The following HGS variants were observed in gnomAD, a reference collection of about 807,000 sequenced individuals.
HGS encodes human growth factor-regulated tyrosine kinase substrate.
HGS carries 63 observed loss-of-function variants against 109.7 expected under a neutral mutation model. The ratio of observed to expected loss-of-function variants is 0.57; its 90% CI spans 0.47 to 0.71. HGS has a LOEUF of 0.71. Ranked by LOEUF, HGS falls within the 30% of genes least tolerant of loss-of-function variation. The pLI is 0.00. For missense variants in HGS, 995 were observed against 1,068.3 expected, an observed-to-expected ratio of 0.93 and a Z score of 0.96; for synonymous variants, 546 against 437.3, an observed-to-expected ratio of 1.25 and a Z score of -3.10.
chr17:81,685,075 C>G (rs2036953992), intron 1 of HGS: 1 of 985,288 alleles, frequency 1.0e-6, no homozygotes. Flanking sequence ...GACAGGTATG[C>G]TGGCGAGTCC....
chr17:81,700,179 A>G (rs1476568866), intron 18 of HGS, among the ~76,000 whole-genome samples: 1 of 151,930 alleles, frequency 6.6e-6, no homozygotes, highest in Non-Finnish European at 1.5e-5. Context: ...ATCCTGGCCA[A>G]CATGATGAAA....
rs2037001045 is a variant in HGS at position 81,687,700 on chromosome 17, G to A, written c.291+605G>A. Among the ~76,000 whole-genome samples, 4 of 152,366 alleles carry A rather than the reference G, an allele frequency of 2.6e-5. No individual in the cohort carries two copies. The South Asian group carries it at 8.3e-4, about 32-fold the overall frequency. The stretch of plus-strand genomic sequence containing the variant: ...ACCTGCAGGGACTGTGATGTGGACT[G>A]TGATGCAGTGGGGATGCTGTTGCAG... On this transcript the variant is annotated intron_variant, in intron 4 of 21. Transcript: ENST00000329138.
At position 81,691,037 on chromosome 17, in the gene HGS, T is replaced by C. The variant is rs2037055601; in HGVS notation, c.537+295T>C. On this transcript the variant is annotated intron_variant, in intron 7 of 21. Coordinates refer to ENST00000329138, the MANE Select transcript of HGS (RefSeq NM_004712.5). The surrounding 1 kb of genome is among the most constrained non-coding windows in gnomAD (Gnocchi z 5.3). ...TGCTTGCCAGGGCCGTGGGGCCCCC[T>C]TCTCTTTGTGGCTTAGCCCATCTGG... Among the ~76,000 whole-genome samples, 1 of 152,202 alleles carries C rather than the reference T, an allele frequency of 6.6e-6. No homozygotes were observed. Among genetic ancestry groups the C allele is most frequent in the Admixed American group, 6.5e-5 (1 of 15,286 alleles).
In HGS at chr17:81,691,388, G is replaced by A. The variant is rs1318773052; in HGVS notation, c.538-59G>A. ...GCATCGTACGGGGTGGTTCTGGGCCGGGTGGCGCATCAGGGTCCCCCAGTG... is the reference window on the plus strand; with the variant it reads ...GCATCGTACGGGGTGGTTCTGGGCCAGGTGGCGCATCAGGGTCCCCCAGTG... On this transcript the variant is annotated intron_variant, in intron 7 of 21. Coordinates refer to ENST00000329138, the MANE Select transcript of HGS (RefSeq NM_004712.5). This position sits in a 1 kb window ranked among gnomAD's most constrained non-coding sequence, Gnocchi z 5.3. The A allele has an allele frequency of 1.1e-5, 18 of 1,606,140 alleles. No individual in the cohort carries two copies. Among genetic ancestry groups the A allele is most frequent in the South Asian group, 3.3e-5 (3 of 90,706 alleles).
At position 81,690,422 on chromosome 17, in the gene HGS, T is replaced by G. The variant is rs1051092955; in HGVS notation, c.468+188T>G. 24 of 677,194 alleles carry G rather than the reference T, an allele frequency of 3.5e-5. No homozygotes were observed. In the Admixed American group the frequency reaches 6.7e-4, roughly 19 times the overall value. 41.9% of individuals were successfully genotyped at this position (677,194 alleles called of 1,614,324 possible). On this transcript the variant is annotated intron_variant, in intron 6 of 21. Transcript: ENST00000329138. ...TGCAGGGCGAGGTGGAGACGTGGCT[T>G]GAGGGCCTTTAGAGTGGCTAGGGGG...
At chr17:81,700,418 C>T in intron 18 of HGS, 49 bp from the exon 19 acceptor site, 2 of 1,491,048 alleles carry the variant, frequency 1.3e-6, no homozygotes, top group Non-Finnish European at 1.8e-6. Context: ...CCCTTCCTCT[C>T]CTCCCTGTTG....
chr17:81,695,596 G>T, intron 14 of HGS, 190 bp from the exon 15 acceptor site: 1 of 624,170 alleles, frequency 1.6e-6, no homozygotes, highest in Non-Finnish European at 2.8e-6. Flanking sequence ...TCCTGACCAG[G>T]GCTTGCAGCT....
chr17:81,696,350 C>A lies in HGS; in HGVS notation c.1394-7C>A. 6.4e-7 allele frequency: 1 copy of A among 1,566,662 alleles called. No homozygotes were observed. Among genetic ancestry groups the A allele is most frequent in the South Asian group, 1.2e-5 (1 of 83,484 alleles). ...GTGGTCAGGGTTGCTCTGTCATCTG[C>A]CCACAGTGTACTATGAGGGGCTGCA... On this transcript the variant is annotated splice_region_variant and splice_polypyrimidine_tract_variant and intron_variant, in intron 15 of 21. Coordinates refer to ENST00000329138, the MANE Select transcript of HGS (RefSeq NM_004712.5).
At chr17:81,687,504 C>T (rs563915847) in intron 4 of HGS, among the ~76,000 whole-genome samples, 1 of 152,290 alleles carries the variant, frequency 6.6e-6, no homozygotes, top group African/African-American at 2.4e-5. Context: ...ATCCCACAGG[C>T]AGGGGCCTGG....
chr17:81,697,558 C>T (rs1453241236), intron 18 of HGS: 2 of 152,324 alleles, frequency 1.3e-5, no homozygotes, highest in African/African-American at 2.4e-5. Context: ...CATTGCTGGC[C>T]GTTCGGCTGA....
intron 20 of HGS, 28 bp downstream of exon 20, chr17:81,700,842 G>A (rs371855457): frequency 4.4e-6 from 7 of 1,598,670 alleles, no homozygotes; most frequent in African/African-American, 1.3e-5. Context: ...CCCTGCTGGG[G>A]GCCAGGGTGG....
At chr17:81,686,800 A>C (rs1319502940) in intron 3 of HGS, among the ~76,000 whole-genome samples, 1 of 150,812 alleles carries the variant, frequency 6.6e-6, no homozygotes, top group East Asian at 2.0e-4. Flanking sequence ...GGGCCTGTCG[A>C]AGGGCTCTGC....
At position 81,687,004 on chromosome 17, in the gene HGS, T is replaced by C; in HGVS notation, c.200T>C (p.Val67Ala). 6.2e-7 allele frequency: 1 copy of C among 1,612,628 alleles called. No individual in the cohort carries two copies. Among genetic ancestry groups the C allele is most frequent in the Non-Finnish European group, 8.5e-7 (1 of 1,179,624 alleles). Residue 67 changes from valine to alanine, a missense_variant and splice_region_variant, in exon 4 of 22, where the codon GTC (valine) becomes GCC (alanine). Physicochemically the swap from Val to Ala is moderately conservative, Grantham distance 64 (BLOSUM62 0). Around this residue, in one of 6 missense-constraint regions of HGS, gnomAD observed 182 missense variants for 261.3 expected, o/e 0.70. Coordinates refer to ENST00000329138, the MANE Select transcript of HGS (RefSeq NM_004712.5). ...NPHVALYALEVMESVVKNCGQ... is the reference protein window; with the variant it reads ...NPHVALYALEAMESVVKNCGQ... ...CCTTCCCTTCCTGGGCATCTGCAGG[T>C]CATGGAATCTGTGGTAAAGAACTGT...
rs773628468 is a variant in HGS at position 81,684,019 on chromosome 17, T to C, written c.-48T>C. ...AGCGGAAGTCGGGGGGCGCGCCAGC[T>C]CGTAGCAGGGGAGCGCCCGCGGCGT... On this transcript the variant is annotated 5_prime_UTR_variant, in exon 1 of 22. Coordinates refer to ENST00000329138, the MANE Select transcript of HGS (RefSeq NM_004712.5). The C allele has an allele frequency of 1.9e-6, 3 of 1,570,222 alleles. No individual in the cohort carries two copies. The highest frequency in any genetic ancestry group is 2.7e-5 in the African/African-American group (2 of 74,138).
rs140355730 is a variant in HGS at position 81,700,540 on chromosome 17, C to T, written c.1956C>T (p.Ala652=). 509 of 1,610,630 alleles carry T rather than the reference C, an allele frequency of 3.2e-4. 1 individual carries two copies. Among genetic ancestry groups the T allele is most frequent in the Middle Eastern group, 2.3e-3 (14 of 6,064 alleles). The stretch of plus-strand genomic sequence containing the variant: ...CGCAGGCGGCCCCCCAGGCCCAGGC[C>T]GGACCCACCGCCAGCCCCGCTTACT... The part of the protein sequence containing the change: ...TGAQAAPQAQ[A]GPTASPAYSS... The change falls in exon 19 of 22, where the codon GCC becomes GCT. Residue 652 remains alanine (A), a synonymous_variant. Transcript: ENST00000329138.
In HGS at chr17:81,701,553, C is replaced by G. The variant is rs2037237531; in HGVS notation, c.2269C>G (p.Gln757Glu). The G allele has an allele frequency of 1.9e-6, 3 of 1,570,316 alleles. No homozygotes were observed. Among genetic ancestry groups the G allele is most frequent in the Non-Finnish European group, 2.6e-6 (3 of 1,165,178 alleles). Residue 757 changes from glutamine (Q) to glutamate (E), a missense_variant, in exon 22 of 22, where the codon CAG becomes GAG. Gln to Glu is a conservative substitution (Grantham distance 29). Transcript: ENST00000329138. ...GPPQQQPPVAQQPQAQGPPAQ... is the reference protein window; with the variant it reads ...GPPQQQPPVAEQPQAQGPPAQ... The stretch of plus-strand genomic sequence containing the variant: ...CCCCCAGCAGCAGCCCCCCGTGGCC[C>G]AGCAACCGCAGGCACAGGGGCCGCC...
chr17:81,691,156 C>T lies in HGS; in HGVS notation c.538-291C>T, dbSNP rs1046724204. 2.1e-6 allele frequency: 1 copy of T among 465,438 alleles called. No homozygotes were observed. The highest frequency in any genetic ancestry group is 3.9e-6 in the Non-Finnish European group (1 of 254,138). The allele number at this position is 465,438 out of a possible 1,614,324, so 28.8% of individuals were successfully genotyped here. A position where few individuals can be genotyped will look rare whatever the true frequency, so the allele number is the denominator to read the frequency against. Reference sequence around the variant, plus strand: ...TGGGGTGTCAGCAGCTTCCAGCACCCACTGCACTCACAAAAGCTCTTGTTT... The same window carrying T: ...TGGGGTGTCAGCAGCTTCCAGCACCTACTGCACTCACAAAAGCTCTTGTTT... On this transcript the variant is annotated intron_variant, in intron 7 of 21. Transcript: ENST00000329138. The surrounding 1 kb of genome is among the most constrained non-coding windows in gnomAD (Gnocchi z 5.3).
At chr17:81,701,331 A>G in intron 21 of HGS, 177 bp from the exon 22 acceptor site, 1 of 836,164 alleles carries the variant, frequency 1.2e-6, no homozygotes. Context: ...AAGTGTAGAC[A>G]GGAAAAACCG....
At position 81,695,184 on chromosome 17, in the gene HGS, C is replaced by T. The variant is rs754562014; in HGVS notation, c.1140C>T (p.Asp380=). The part of the protein sequence containing the change: ...NVVENPLPET[D]SQPIPPSGGP... Reference sequence around the variant, plus strand: ...TCCAGAACCCCCTCCCGGAGACAGACTCTCAGCCCATTCCTCCCTCTGGTG... The same window carrying T: ...TCCAGAACCCCCTCCCGGAGACAGATTCTCAGCCCATTCCTCCCTCTGGTG... Residue 380 remains aspartate (D), a synonymous_variant, in exon 14 of 22, where the codon GAC becomes GAT. Transcript: ENST00000329138. 1.9e-6 allele frequency: 3 copies of T among 1,614,210 alleles called. No individual in the cohort carries two copies. In the Admixed American group the frequency reaches 5.0e-5, roughly 27 times the overall value.
Sources: gnomAD v4.1 joint callset for allele counts (sites outside exome capture counted in the v4.1 genomes callset) on GRCh38, gnomAD v4.1.1 for gene constraint, gnomAD v4.1.1 regional missense constraint, Gnocchi (gnomAD v3.1) non-coding constraint, MANE v1.5 for transcripts, NCBI Gene and HGNC (gene_info 2026-07-23, HGNC 2026-07-21) for gene names.